Variants in COBLL1 observed in about 807,000 individuals in gnomAD.
The protein encoded by COBLL1 is cordon-bleu WH2 repeat protein like 1, also known as cordon-bleu protein-like 1.
A neutral mutation model predicts 94.8 loss-of-function variants in COBLL1; 50 were observed. The observed-to-expected ratio is 0.53, with a 90% confidence interval of 0.42 to 0.67. The LOEUF (loss-of-function observed/expected upper bound fraction) is 0.67. Among genes scored for constraint, COBLL1 ranks in the 30% least tolerant of loss-of-function variants. COBLL1 has a pLI of 0.00. For synonymous variants in COBLL1, 448 were observed against 473.8 expected (o/e 0.95, Z 0.71); for missense variants, 1,362 against 1,348.7 (o/e 1.01, Z -0.15).
At chr2:164,669,674 T>A (rs1691215924) in intron 1 of COBLL1, among the ~76,000 whole-genome samples, 1 of 152,220 alleles carries the variant, frequency 6.6e-6, no homozygotes, top group African/African-American at 2.4e-5. Context: ...GGATAGGCCA[T>A]CTATCTAATT....
intron 2 of COBLL1, among the ~76,000 whole-genome samples, chr2:164,793,129 G>A (rs1444390949): frequency 6.6e-6 from 1 of 152,148 alleles, no homozygotes; most frequent in East Asian, 1.9e-4. Context: ...TTAAATTCAT[G>A]CTATGGGCCA....
At chr2:164,815,278 A>C (rs1394271538) in intron 2 of COBLL1, among the ~76,000 whole-genome samples, 1 of 152,026 alleles carries the variant, frequency 6.6e-6, no homozygotes, top group Non-Finnish European at 1.5e-5. Context: ...GCACACCTGG[A>C]ATCCCAGCTC....
chr2:164,660,861 G>A (rs967047141), intron 2 of COBLL1, among the ~76,000 whole-genome samples: 1 of 152,106 alleles, frequency 6.6e-6, no homozygotes, highest in African/African-American at 2.4e-5. Flanking sequence ...AAATGGGTTT[G>A]ATTGAAACAT....
intron 2 of COBLL1, among the ~76,000 whole-genome samples, chr2:164,659,012 A>C (rs1199861420): frequency 6.6e-6 from 1 of 152,108 alleles, no homozygotes; most frequent in Admixed American, 6.5e-5. Context: ...GTTTCTGTAC[A>C]GCCAATAATA....
intron 2 of COBLL1, among the ~76,000 whole-genome samples, chr2:164,774,015 A>G (rs1390324772): frequency 1.3e-5 from 2 of 152,214 alleles, no homozygotes; most frequent in Admixed American, 6.5e-5. Flanking sequence ...GGAGAATCCA[A>G]TTTTTTGTTT....
chr2:164,719,291 G>A (rs1685333344), intron 7 of COBLL1, among the ~76,000 whole-genome samples: 1 of 152,136 alleles, frequency 6.6e-6, no homozygotes, highest in Non-Finnish European at 1.5e-5. Context: ...AGGTAGTCAT[G>A]AGTCAATAGC....
At chr2:164,737,339 A>G (rs1169563077) in intron 3 of COBLL1, among the ~76,000 whole-genome samples, 3 of 152,194 alleles carry the variant, frequency 2.0e-5, no homozygotes, top group Non-Finnish European at 4.4e-5. Flanking sequence ...GGCAGGTGAC[A>G]GAGGCTGACA....
At chr2:164,672,125 A>G (rs1268122150) in intron 1 of COBLL1, among the ~76,000 whole-genome samples, 1 of 152,204 alleles carries the variant, frequency 6.6e-6, no homozygotes, top group East Asian at 1.9e-4. Flanking sequence ...AGATGAACAC[A>G]CAGCTACAGT....
chr2:164,766,199 A>T (rs1274845540), intron 2 of COBLL1, among the ~76,000 whole-genome samples: 1 of 152,198 alleles, frequency 6.6e-6, no homozygotes, highest in African/African-American at 2.4e-5. Flanking sequence ...CAATTAATGT[A>T]TGTTTGAGTT....
At chr2:164,697,612 T>C (rs538678261) in intron 11 of COBLL1, 127 of 152,248 alleles carry the variant, frequency 8.3e-4, no homozygotes, top group African/African-American at 3.0e-3. Flanking sequence ...AGAAAGAAAG[T>C]CAATGTAAAC....
At position 164,715,988 on chromosome 2, in the gene COBLL1, A is replaced by G. The variant is rs555055567; in HGVS notation, c.996+6087T>C. Among the ~76,000 whole-genome samples, 5 of 152,312 alleles carry G rather than the reference A, an allele frequency of 3.3e-5. No individual in the cohort carries two copies. The South Asian group carries it at 1.0e-3, about 32-fold the overall frequency. On this transcript the variant is annotated intron_variant, in intron 7 of 13. Coordinates refer to ENST00000652658, the MANE Select transcript of COBLL1 (RefSeq NM_001365672.2). ...TTCTCCAAAAGGTTCTGTGAATTCT[A>G]TGGGTCAAGATTACCAAATACTTTT... is the stretch of plus-strand genomic sequence containing the variant.
intron 2 of COBLL1, among the ~76,000 whole-genome samples, chr2:164,827,257 T>C (rs1685481876): frequency 6.6e-6 from 1 of 152,198 alleles, no homozygotes. Context: ...CCCATTTCTT[T>C]AAGGTTTTTC....
chr2:164,778,473 T>C (rs355891), intron 2 of COBLL1, among the ~76,000 whole-genome samples: 37,162 of 151,770 alleles, frequency 0.24, 5,490 homozygotes, highest in African/African-American at 0.41. Context: ...GGTTGTGGCA[T>C]GTGCCTGTAG....
At chr2:164,658,563 A>C (rs1015667847) in intron 2 of COBLL1, among the ~76,000 whole-genome samples, 2 of 152,216 alleles carry the variant, frequency 1.3e-5, no homozygotes, top group African/African-American at 4.8e-5. Flanking sequence ...CCTGCAGTGC[A>C]GGGGATTATT....
rs760831858 is a variant in COBLL1 at position 164,722,128 on chromosome 2, C to T, written c.943G>A (p.Glu315Lys). The change falls in exon 7 of 14, where the codon GAG becomes AAG. Residue 315 changes from glutamate (E) to lysine (K), a missense_variant. Glu to Lys is a moderately conservative substitution (Grantham distance 56). Coordinates refer to ENST00000652658, the MANE Select transcript of COBLL1 (RefSeq NM_001365672.2). ...SVPQDLAHIQ[E>K]RPASCIVKSM... ...TTCACTATACAAGAAGCAGGCCTCTCCTGGATGTGTGCAAGGTCTTGGGGG... is the reference window on the plus strand; with the variant it reads ...TTCACTATACAAGAAGCAGGCCTCTTCTGGATGTGTGCAAGGTCTTGGGGG... 20 of 1,613,914 alleles carry T rather than the reference C, an allele frequency of 1.2e-5. No individual in the cohort carries two copies. The Admixed American group carries it at 3.2e-4, about 26-fold the overall frequency.
intron 8 of COBLL1, 73 bp from the exon 9 acceptor site, chr2:164,704,591 G>A: frequency 2.4e-6 from 3 of 1,250,980 alleles, no homozygotes; most frequent in South Asian, 2.4e-5. Flanking sequence ...GTTTAACTTA[G>A]TTATATAGTT....
At chr2:164,777,331 TACACACAC>T (rs72061846) in intron 2 of COBLL1, among the ~76,000 whole-genome samples, 51 of 149,162 alleles carry the variant, frequency 3.4e-4, no homozygotes, top group African/African-American at 9.3e-4. Context: ...AATCATGAGT[TACACACAC>T]ACACACACAC....
At chr2:164,690,349 A>G (rs932300223) in intron 13 of COBLL1, among the ~76,000 whole-genome samples, 4 of 152,180 alleles carry the variant, frequency 2.6e-5, no homozygotes, top group Admixed American at 2.6e-4. Flanking sequence ...GTTCCACTGA[A>G]AGAGAAAATT....
intron 2 of COBLL1, among the ~76,000 whole-genome samples, chr2:164,817,696 C>G (rs920249699): frequency 1.3e-5 from 2 of 152,070 alleles, no homozygotes; most frequent in African/African-American, 4.8e-5. Context: ...TTCTACATAC[C>G]ACTCCTGGGA....
Sources: gnomAD v4.1 joint callset for allele counts (sites outside exome capture counted in the v4.1 genomes callset) on GRCh38, gnomAD v4.1.1 for gene constraint, MANE v1.5 for transcripts, NCBI Gene and HGNC (gene_info 2026-07-23, HGNC 2026-07-21) for gene names.